The following KCNMB2 variants were observed in gnomAD, a reference collection of about 807,000 sequenced individuals.
The protein encoded by KCNMB2 is calcium-activated potassium channel subunit beta-2.
In KCNMB2, 9 loss-of-function variants were observed where a neutral mutation model predicts 24.5. That is an observed-to-expected ratio of 0.37 (90% CI 0.22 to 0.64). The LOEUF (loss-of-function observed/expected upper bound fraction) is 0.64. Ranked by LOEUF, KCNMB2 falls within the 30% of genes least tolerant of loss-of-function variation. The pLI is 0.63. For synonymous variants in KCNMB2, 109 were observed against 104.4 expected, an observed-to-expected ratio of 1.04 and a Z score of -0.27; for missense variants, 226 against 284.3, an observed-to-expected ratio of 0.79 and a Z score of 1.47.
intron 1 of KCNMB2, among the ~76,000 whole-genome samples, chr3:178,602,016 T>C (rs1718098783): frequency 6.6e-6 from 1 of 152,208 alleles, no homozygotes; most frequent in Non-Finnish European, 1.5e-5. Context: ...GGCTTCTGCA[T>C]GATTTTTCCT....
At chr3:178,721,254 T>A (rs982986331) in intron 1 of KCNMB2, among the ~76,000 whole-genome samples, 31 of 152,368 alleles carry the variant, frequency 2.0e-4, no homozygotes, top group Non-Finnish European at 2.8e-4. Flanking sequence ...TTGCTTGTTT[T>A]TCTCAGATTT....
chr3:178,553,505 T>G (rs1156484702), intron 1 of KCNMB2, among the ~76,000 whole-genome samples: 2 of 150,836 alleles, frequency 1.3e-5, no homozygotes, highest in Non-Finnish European at 2.9e-5. Context: ...CACTCAGCAC[T>G]GAGCATTCTC....
chr3:178,570,148 A>G (rs761150874), intron 1 of KCNMB2, among the ~76,000 whole-genome samples: 11 of 152,154 alleles, frequency 7.2e-5, no homozygotes, highest in Non-Finnish European at 1.3e-4. Context: ...TTTGTTTTCA[A>G]TATTCCCCAA....
At chr3:178,549,838 T>C (rs1392281063) in intron 1 of KCNMB2, among the ~76,000 whole-genome samples, 2 of 152,212 alleles carry the variant, frequency 1.3e-5, no homozygotes, top group Admixed American at 6.5e-5. Flanking sequence ...TTTATCTAAA[T>C]CACATTACAC....
At chr3:178,699,056 C>T (rs1027389079) in intron 1 of KCNMB2, among the ~76,000 whole-genome samples, 8 of 152,250 alleles carry the variant, frequency 5.3e-5, no homozygotes, top group Admixed American at 1.3e-4. Context: ...ATCCTGTGGG[C>T]ATCCACCACA....
At chr3:178,552,894 C>T (rs1287297889) in intron 1 of KCNMB2, among the ~76,000 whole-genome samples, 1 of 152,166 alleles carries the variant, frequency 6.6e-6, no homozygotes, top group Non-Finnish European at 1.5e-5. Context: ...TTAGATTTCT[C>T]TCTTCTTTGC....
At chr3:178,542,559 AG>A (rs1180939492) in intron 1 of KCNMB2, among the ~76,000 whole-genome samples, 1 of 152,202 alleles carries the variant, frequency 6.6e-6, no homozygotes, top group African/African-American at 2.4e-5. Flanking sequence ...CTCTCTATTC[AG>A]CTGTAAAGAC....
rs1377140302 is a variant in KCNMB2, at chr3:178,843,733, T to C, written c.*796T>C. The C allele has an allele frequency of 6.6e-6, 1 of 152,210 alleles. No individual in the cohort carries two copies. Among genetic ancestry groups the C allele is most frequent in the Non-Finnish European group, 1.5e-5 (1 of 68,042 alleles). 9.4% of individuals were successfully genotyped at this position (152,210 alleles called of 1,614,324 possible). A position where few individuals can be genotyped will look rare whatever the true frequency, so the allele number is the denominator to read the frequency against. ...CCAGGAAAGTCTGTGTTACTGATAT[T>C]TGTGTGGAAATCTTTATTTCACTTC... On this transcript the variant is annotated 3_prime_UTR_variant, in exon 5 of 5. Transcript: ENST00000452583.
chr3:178,609,328 TAA>T (rs1277000212), intron 1 of KCNMB2, among the ~76,000 whole-genome samples: 1 of 152,174 alleles, frequency 6.6e-6, no homozygotes, highest in Non-Finnish European at 1.5e-5. Flanking sequence ...CATTTTTTGA[TAA>T]GTTTATTAGA....
intron 1 of KCNMB2, among the ~76,000 whole-genome samples, chr3:178,722,317 CAG>C (rs1722833514): frequency 6.6e-6 from 1 of 152,086 alleles, no homozygotes; most frequent in Non-Finnish European, 1.5e-5. Context: ...GTTGCTAAAA[CAG>C]AATACCACTG....
At chr3:178,710,002 A>G (rs560302488) in intron 1 of KCNMB2, among the ~76,000 whole-genome samples, 1 of 152,304 alleles carries the variant, frequency 6.6e-6, no homozygotes, top group East Asian at 1.9e-4. Context: ...CTTAAATCTC[A>G]GTCTAAGCTC....
intron 1 of KCNMB2, among the ~76,000 whole-genome samples, chr3:178,694,600 G>C (rs1721808494): frequency 6.6e-6 from 1 of 152,236 alleles, no homozygotes; most frequent in Admixed American, 6.5e-5. Flanking sequence ...CCAAATAGGA[G>C]AAATTGGCCA....
At chr3:178,815,256 G>A (rs928837525) in intron 2 of KCNMB2, among the ~76,000 whole-genome samples, 25 of 151,292 alleles carry the variant, frequency 1.7e-4, no homozygotes, top group Admixed American at 4.0e-4. Context: ...CTCCCACCTC[G>A]GCCCCCCATG....
chr3:178,784,947 A>G (rs1202802722), intron 1 of KCNMB2, among the ~76,000 whole-genome samples: 2 of 151,424 alleles, frequency 1.3e-5, no homozygotes, highest in African/African-American at 4.8e-5. Flanking sequence ...CATCTGGCCC[A>G]GAATATCTCT....
In KCNMB2 at chr3:178,614,215, C is replaced by T. The variant is rs186521432; in HGVS notation, c.-68+77504C>T. ...ATAGTATTAGCCTGTTTTCACACTG[C>T]TGATAAAGACATACCTAAGACTGGG... On this transcript the variant is annotated intron_variant, in intron 1 of 4. Coordinates refer to ENST00000452583, the MANE Select transcript of KCNMB2 (RefSeq NM_181361.3). Among the ~76,000 whole-genome samples the T allele has an allele frequency of 1.3e-4, 16 of 122,656 alleles. 2 individuals are homozygous for T. Among genetic ancestry groups the T allele is most frequent in the African/African-American group, 4.9e-4 (16 of 32,820 alleles). 80.5% of individuals were successfully genotyped at this position (122,656 alleles called of 152,430 possible). A position where few individuals can be genotyped will look rare whatever the true frequency, so the allele number is the denominator to read the frequency against.
chr3:178,742,265 T>C (rs1297277741), intron 1 of KCNMB2, among the ~76,000 whole-genome samples: 3 of 152,198 alleles, frequency 2.0e-5, no homozygotes, highest in South Asian at 2.1e-4. Context: ...TCTAATGGAA[T>C]AGCACATTCT....
intron 1 of KCNMB2, among the ~76,000 whole-genome samples, chr3:178,727,365 C>T (rs572587013): frequency 2.6e-5 from 4 of 152,184 alleles, no homozygotes; most frequent in African/African-American, 4.8e-5. Context: ...CCTCTTTCTC[C>T]ACCGTGGTAG....
chr3:178,657,110 G>A (rs1426478531), intron 1 of KCNMB2, among the ~76,000 whole-genome samples: 1 of 151,614 alleles, frequency 6.6e-6, no homozygotes, highest in Non-Finnish European at 1.5e-5. Flanking sequence ...TTCCCAGGTT[G>A]TCTAAATCTA....
intron 1 of KCNMB2, among the ~76,000 whole-genome samples, chr3:178,737,090 T>C (rs889399397): frequency 6.6e-6 from 1 of 152,086 alleles, no homozygotes; most frequent in Non-Finnish European, 1.5e-5. Context: ...CCCAACGTAG[T>C]GAAACCTCAT....
Sources: gnomAD v4.1 joint callset for allele counts (sites outside exome capture counted in the v4.1 genomes callset) on GRCh38, gnomAD v4.1.1 for gene constraint, MANE v1.5 for transcripts, NCBI Gene and HGNC (gene_info 2026-07-23, HGNC 2026-07-21) for gene names.